The following IFT57 variants were observed in gnomAD, a reference collection of about 807,000 sequenced individuals.
IFT57 encodes the protein intraflagellar transport protein 57 homolog.
IFT57 carries 59 observed loss-of-function variants against 56.8 expected under a neutral mutation model. The ratio of observed to expected loss-of-function variants is 1.04; its 90% confidence interval spans 0.84 to 1.29. The LOEUF is 1.29. Ranked by LOEUF, IFT57 falls within the 50% of genes most tolerant of loss-of-function variation. The pLI, the probability that IFT57 is intolerant of heterozygous loss-of-function variation, is 0.00. For synonymous variants in IFT57, 209 were observed against 186.1 expected (o/e 1.12, Z -1.00); for missense variants, 470 against 522.1 (o/e 0.90, Z 0.97).
intron 5 of IFT57, among the ~76,000 whole-genome samples, chr3:108,197,909 G>A (rs1288780710): frequency 6.6e-6 from 1 of 152,106 alleles, no homozygotes; most frequent in Non-Finnish European, 1.5e-5. Flanking sequence ...CATTGGAAGG[G>A]TTGCTGTGAG....
In IFT57 at chr3:108,193,494, A is replaced by C. The variant is rs1347682718; in HGVS notation, c.655-1851T>G. Among the ~76,000 whole-genome samples, 4 of 152,342 alleles carry C rather than the reference A, an allele frequency of 2.6e-5. No individual in the cohort carries two copies. In the East Asian group the frequency reaches 7.7e-4, roughly 29 times the overall value. ...GTCTGAATGTATTCAGTTACATTCC[A>C]TTTAGAAAACCAGAAGTATAAAAAA... is the stretch of plus-strand genomic sequence containing the variant. On this transcript the variant is annotated intron_variant, in intron 5 of 10. Coordinates refer to ENST00000264538, the MANE Select transcript of IFT57 (RefSeq NM_018010.4).
At chr3:108,184,734 T>C (rs62262414) in intron 6 of IFT57, among the ~76,000 whole-genome samples, 14,646 of 152,228 alleles carry the variant, frequency 0.096, 767 homozygotes, top group Middle Eastern at 0.12. Flanking sequence ...GTTGCAAATA[T>C]TGCTTAAAAT....
chr3:108,205,835 ATTTAATT>A (rs2080307061), intron 5 of IFT57, among the ~76,000 whole-genome samples: 1 of 116,118 alleles, frequency 8.6e-6, no homozygotes, highest in Non-Finnish European at 1.9e-5. Context: ...TTTATATATT[ATTTAATT>A]AATTTAACAT....
intron 5 of IFT57, among the ~76,000 whole-genome samples, chr3:108,201,777 G>C (rs2080279360): frequency 6.6e-6 from 1 of 151,986 alleles, no homozygotes; most frequent in South Asian, 2.1e-4. Flanking sequence ...AAAAATTAAA[G>C]TATTTAAGAT....
intron 9 of IFT57, among the ~76,000 whole-genome samples, 194 bp from the exon 10 acceptor site, chr3:108,163,923 T>C (rs1489406063): frequency 2.6e-5 from 4 of 152,072 alleles, no homozygotes; most frequent in East Asian, 1.9e-4. Context: ...TTCAGAATGC[T>C]CCTAATGTTA....
At chr3:108,211,772 T>C (rs1369914348) in intron 4 of IFT57, among the ~76,000 whole-genome samples, 1 of 152,220 alleles carries the variant, frequency 6.6e-6, no homozygotes, top group Non-Finnish European at 1.5e-5. Flanking sequence ...CTGTTAAAAA[T>C]ACATGTTGAA....
chr3:108,208,503 A>G (rs1364451911), intron 4 of IFT57, among the ~76,000 whole-genome samples: 1 of 152,242 alleles, frequency 6.6e-6, no homozygotes, highest in Non-Finnish European at 1.5e-5. Flanking sequence ...AGTTACTAGA[A>G]TGAATCAGCA....
At chr3:108,171,086 AT>A (rs2080089702) in intron 6 of IFT57, among the ~76,000 whole-genome samples, 1 of 152,062 alleles carries the variant, frequency 6.6e-6, no homozygotes, top group Non-Finnish European at 1.5e-5. Flanking sequence ...GTAAAAGGAT[AT>A]TTTGTGAATA....
chr3:108,197,648 T>C (rs1053317756), intron 5 of IFT57, among the ~76,000 whole-genome samples: 1 of 152,188 alleles, frequency 6.6e-6, no homozygotes, highest in Non-Finnish European at 1.5e-5. Context: ...AGAGCTTATA[T>C]CATATACCTA....
intron 6 of IFT57, among the ~76,000 whole-genome samples, chr3:108,168,969 CT>C (rs1011239352): frequency 7.2e-5 from 11 of 152,026 alleles, no homozygotes; most frequent in Non-Finnish European, 1.5e-4. Flanking sequence ...GTGCATGTGT[CT>C]TTACAGTAAA....
chr3:108,199,703 T>C (rs989975169), intron 5 of IFT57, among the ~76,000 whole-genome samples: 1 of 152,204 alleles, frequency 6.6e-6, no homozygotes, highest in African/African-American at 2.4e-5. Context: ...ACTGTTACAG[T>C]CCAGGAATAG....
intron 6 of IFT57, among the ~76,000 whole-genome samples, chr3:108,171,848 C>G (rs886410014): frequency 6.6e-6 from 1 of 151,754 alleles, no homozygotes; most frequent in African/African-American, 2.4e-5. Context: ...ATTTCAGAGG[C>G]CTTAATAAAC....
chr3:108,196,061 GATC>G (rs2080242875), intron 5 of IFT57, among the ~76,000 whole-genome samples: 1 of 152,076 alleles, frequency 6.6e-6, no homozygotes, highest in African/African-American at 2.4e-5. Flanking sequence ...ACCCTGATCT[GATC>G]ATTACGCATT....
rs150849092 is a variant in IFT57, at chr3:108,174,817, A to T, written c.778-6953T>A. Among the ~76,000 whole-genome samples the T allele has an allele frequency of 3.4e-4, 52 of 151,984 alleles. 1 individual carries two copies. The highest frequency in any genetic ancestry group is 2.4e-3 in the Admixed American group (37 of 15,240). ...ATCCTTTCAGCCTGGGTCTGAGAGT[A>T]AGAAACATAGAATCTAGCTGGAGCA... On this transcript the variant is annotated intron_variant, in intron 6 of 10. Transcript: ENST00000264538.
rs1377605836 is a variant in IFT57 at position 108,162,579 on chromosome 3, A to G, written c.1188T>C (p.Ile396=). The change falls in exon 11 of 11, where the codon ATT becomes ATC. Residue 396 remains isoleucine (I), a synonymous_variant. Transcript: ENST00000264538. ...TTGATTGGAGTAGTGTGTGTTCCAC[A>G]ATGCCAATTCTAATGTCCATCTCTA... is the stretch of plus-strand genomic sequence containing the variant. ...ETVEMDIRIG[I]VEHTLLQSKL... 1 of 1,613,106 alleles carries G rather than the reference A, an allele frequency of 6.2e-7. No homozygotes were observed. The highest frequency in any genetic ancestry group is 8.5e-7 in the Non-Finnish European group (1 of 1,179,402).
chr3:108,165,565 T>C, intron 8 of IFT57, 72 bp from the exon 9 acceptor site: 2 of 1,169,634 alleles, frequency 1.7e-6, no homozygotes, highest in Non-Finnish European at 2.6e-6. Context: ...GACCTCTTTG[T>C]GTTTGCAATT....
chr3:108,162,473 T>C lies in IFT57; in HGVS notation c.*4A>G. 6.3e-7 allele frequency: 1 copy of C among 1,585,860 alleles called. No homozygotes were observed. The stretch of plus-strand genomic sequence containing the variant: ...CTAATCAGAAACATGAAAACCAGTA[T>C]GTTTTAATAAAAGCCTGTTGCTGGT... On this transcript the variant is annotated 3_prime_UTR_variant, in exon 11 of 11. Coordinates refer to ENST00000264538, the MANE Select transcript of IFT57 (RefSeq NM_018010.4).
At position 108,222,404 on chromosome 3, in the gene IFT57, A is replaced by T; in HGVS notation, c.-82T>A. The T allele has an allele frequency of 1.6e-6, 2 of 1,272,928 alleles. No individual in the cohort carries two copies. Among genetic ancestry groups the T allele is most frequent in the South Asian group, 3.1e-5 (2 of 63,728 alleles). 78.9% of individuals were successfully genotyped at this position (1,272,928 alleles called of 1,614,324 possible). ...CCGCCAGCCCTGCCGCCGCCAGTACAGCCACGACCGGTTACCAGGCGACCA... is the reference window on the plus strand; with the variant it reads ...CCGCCAGCCCTGCCGCCGCCAGTACTGCCACGACCGGTTACCAGGCGACCA... On this transcript the variant is annotated 5_prime_UTR_variant, in exon 1 of 11. Transcript: ENST00000264538.
In IFT57 at chr3:108,217,086, A is replaced by G. The variant is rs528714204; in HGVS notation, c.494+1449T>C. On this transcript the variant is annotated intron_variant, in intron 3 of 10. Transcript: ENST00000264538. The stretch of plus-strand genomic sequence containing the variant: ...AATAATATATATTTGAAAATAGCTC[A>G]TAGAGATTTGGAATTTTCTTGCCAC... Among the ~76,000 whole-genome samples the G allele has an allele frequency of 7.9e-5, 12 of 152,238 alleles. No homozygotes were observed. The South Asian group carries it at 2.5e-3, about 32-fold the overall frequency.
Sources: gnomAD v4.1 joint callset for allele counts (sites outside exome capture counted in the v4.1 genomes callset) on GRCh38, gnomAD v4.1.1 for gene constraint, MANE v1.5 for transcripts, NCBI Gene and HGNC (gene_info 2026-07-23, HGNC 2026-07-21) for gene names.